Variants in UBR1 observed in about 807,000 individuals in gnomAD.
UBR1 encodes the protein E3 ubiquitin-protein ligase UBR1.
In UBR1, 102 loss-of-function variants were observed where a neutral mutation model predicts 242.1. The observed-to-expected ratio is 0.42, with a 90% CI of 0.36 to 0.50. The LOEUF (loss-of-function observed/expected upper bound fraction) is 0.50. Ranked by LOEUF, UBR1 falls within the 20% of genes least tolerant of loss-of-function variation. The pLI is 0.01. For missense variants in UBR1, 1,772 were observed against 2,101.8 expected (o/e 0.84, Z 3.07); for synonymous variants, 675 against 684.8 (o/e 0.99, Z 0.22).
intron 4 of UBR1, among the ~76,000 whole-genome samples, chr15:43,071,772 G>A (rs116768088): frequency 6.6e-6 from 1 of 152,096 alleles, no homozygotes. Context: ...GCTTGTTCAA[G>A]CCAATGAGTT....
chr15:42,974,771 G>A (rs969246713), intron 39 of UBR1, among the ~76,000 whole-genome samples: 7 of 151,802 alleles, frequency 4.6e-5, no homozygotes, highest in African/African-American at 1.7e-4. Context: ...ACCATGCCCA[G>A]CAAATTTTCC....
Position 42,943,202 on chromosome 15 carries a change from A to G in UBR1, c.*2127T>C, listed in dbSNP as rs1373087508. On this transcript the variant is annotated 3_prime_UTR_variant, in exon 47 of 47. Coordinates refer to ENST00000290650, the MANE Select transcript of UBR1 (RefSeq NM_174916.3). ...ATATATTTTTCTTCACCATATCATT[A>G]AAATTCTCACTAGCCCCTTACCAAA... The G allele has an allele frequency of 2.6e-5, 4 of 152,648 alleles. No individual in the cohort carries two copies. The highest frequency in any genetic ancestry group is 9.6e-5 in the African/African-American group (4 of 41,460). 9.5% of individuals were successfully genotyped at this position (152,648 alleles called of 1,614,324 possible). A position where few individuals can be genotyped will look rare whatever the true frequency, so the allele number is the denominator to read the frequency against.
At chr15:43,013,104 C>T (rs952202216) in intron 29 of UBR1, among the ~76,000 whole-genome samples, 2 of 152,152 alleles carry the variant, frequency 1.3e-5, no homozygotes, top group African/African-American at 2.4e-5. Flanking sequence ...CGGGGTTTTG[C>T]CTGTTGGCCA....
At chr15:42,976,639 A>C in intron 39 of UBR1, 78 bp downstream of exon 39, 1 of 1,522,786 alleles carries the variant, frequency 6.6e-7, no homozygotes, top group Non-Finnish European at 9.1e-7. Flanking sequence ...TACATTATAT[A>C]ATCACAAGAA....
At chr15:42,963,791 C>T (rs2032060809) in intron 42 of UBR1, 144 bp downstream of exon 42, 1 of 639,984 alleles carries the variant, frequency 1.6e-6, no homozygotes, top group Non-Finnish European at 2.8e-6. Context: ...ATCCCCACTT[C>T]TTAAGTGTGT....
At chr15:42,967,082 A>AT (rs942647196) in intron 40 of UBR1, among the ~76,000 whole-genome samples, 2 of 151,620 alleles carry the variant, frequency 1.3e-5, no homozygotes, top group Admixed American at 6.6e-5. Context: ...ACCATGCCTA[A>AT]TTTTTTGTAT....
intron 46 of UBR1, among the ~76,000 whole-genome samples, chr15:42,948,244 C>T (rs1009966356): frequency 1.2e-4 from 18 of 152,258 alleles, no homozygotes; most frequent in African/African-American, 4.1e-4. Context: ...AAAGCTGAAA[C>T]TGGACCCCTT....
intron 6 of UBR1, among the ~76,000 whole-genome samples, chr15:43,060,614 C>T (rs1472154150): frequency 1.3e-5 from 2 of 152,124 alleles, no homozygotes; most frequent in Non-Finnish European, 2.9e-5. Flanking sequence ...TTTTACCCAC[C>T]TGTAAAAATT....
chr15:42,981,000 T>A (rs2032369773), intron 37 of UBR1, among the ~76,000 whole-genome samples: 1 of 152,132 alleles, frequency 6.6e-6, no homozygotes, highest in Non-Finnish European at 1.5e-5. Context: ...TCTCTCAATT[T>A]TTCTGCTATT....
chr15:43,080,932 C>G (rs937195051), intron 3 of UBR1, among the ~76,000 whole-genome samples: 1 of 151,926 alleles, frequency 6.6e-6, no homozygotes, highest in African/African-American at 2.4e-5. Flanking sequence ...GCATGGGCAA[C>G]AGAGCCAGAC....
chr15:43,074,911 C>A, intron 4 of UBR1, 68 bp downstream of exon 4: 1 of 1,279,192 alleles, frequency 7.8e-7, no homozygotes, highest in Non-Finnish European at 1.1e-6. Flanking sequence ...ATACACATAA[C>A]ATTTATTCTT....
chr15:43,060,501 C>G (rs968769989), intron 6 of UBR1, among the ~76,000 whole-genome samples: 2 of 152,136 alleles, frequency 1.3e-5, no homozygotes, highest in African/African-American at 4.8e-5. Flanking sequence ...CTATGATATA[C>G]TTGTGGCCCA....
intron 40 of UBR1, among the ~76,000 whole-genome samples, chr15:42,968,810 T>A (rs2032155383): frequency 6.6e-6 from 1 of 152,128 alleles, no homozygotes; most frequent in Non-Finnish European, 1.5e-5. Context: ...GAATGATGGT[T>A]TCCAGCTTCA....
chr15:43,088,879 C>T (rs1596139415), intron 1 of UBR1, among the ~76,000 whole-genome samples: 1 of 152,114 alleles, frequency 6.6e-6, no homozygotes, highest in East Asian at 1.9e-4. Context: ...TACATGAGGG[C>T]TGGTGCACAT....
At chr15:43,032,768 C>A in intron 19 of UBR1, 137 bp from the exon 20 acceptor site, 1 of 578,390 alleles carries the variant, frequency 1.7e-6, no homozygotes, top group African/African-American at 1.9e-5. Flanking sequence ...TATGTGTGCA[C>A]AGCACAAATA....
intron 26 of UBR1, among the ~76,000 whole-genome samples, chr15:43,021,941 C>G (rs966925136): frequency 1.3e-5 from 2 of 152,154 alleles, no homozygotes; most frequent in East Asian, 1.9e-4. Flanking sequence ...CTTTAAGTCT[C>G]TCTCTTACAT....
chr15:42,954,573 G>T (rs2031887542), intron 44 of UBR1, among the ~76,000 whole-genome samples: 2 of 151,924 alleles, frequency 1.3e-5, no homozygotes, highest in African/African-American at 4.8e-5. Flanking sequence ...GACCTCAAAT[G>T]ATCTTTTATT....
Position 43,037,947 on chromosome 15 carries a change from C to G in UBR1, c.1912-64G>C, listed in dbSNP as rs892596986. On this transcript the variant is annotated intron_variant, in intron 16 of 46. Coordinates refer to ENST00000290650, the MANE Select transcript of UBR1 (RefSeq NM_174916.3). ...AGCTTAGATGTGTCTCCAAGTTATG[C>G]CACTACATATTCTTCAGTTTTCTCA... The G allele has an allele frequency of 4.7e-5, 68 of 1,451,512 alleles. No individual in the cohort carries two copies. The African/African-American group carries it at 9.4e-4, about 20-fold the overall frequency. 89.9% of individuals were successfully genotyped at this position (1,451,512 alleles called of 1,614,324 possible). A position where few individuals can be genotyped will look rare whatever the true frequency, so the allele number is the denominator to read the frequency against.
At chr15:43,086,437 GAA>G (rs370942763) in intron 1 of UBR1, among the ~76,000 whole-genome samples, 197 bp from the exon 2 acceptor site, 8 of 86,082 alleles carry the variant, frequency 9.3e-5, no homozygotes, top group Admixed American at 1.4e-4. Context: ...ACCAGTATCT[GAA>G]AAAAAAAAAA....
Sources: gnomAD v4.1 joint callset for allele counts (sites outside exome capture counted in the v4.1 genomes callset) on GRCh38, gnomAD v4.1.1 for gene constraint, MANE v1.5 for transcripts, NCBI Gene and HGNC (gene_info 2026-07-23, HGNC 2026-07-21) for gene names.